GNG4: variants seen among roughly 807,000 people sequenced by gnomAD.
The protein encoded by GNG4 is G protein subunit gamma 4, also known as guanine nucleotide-binding protein G(I)/G(S)/G(O) subunit gamma-4.
In GNG4, 4 loss-of-function variants were observed where a neutral mutation model predicts 5.8. The ratio of observed to expected loss-of-function variants is 0.69; its 90% CI spans 0.34 to 1.57. The LOEUF (loss-of-function observed/expected upper bound fraction) is 1.57. Ranked by LOEUF, GNG4 falls within the 40% of genes most tolerant of loss-of-function variation. GNG4 has a pLI of 0.06. For missense variants in GNG4, 96 were observed against 95.1 expected, an observed-to-expected ratio of 1.01 and a Z score of -0.04; for synonymous variants, 29 against 32.9, an observed-to-expected ratio of 0.88 and a Z score of 0.41.
At chr1:235,647,145 G>A (rs1571932155) in intron 1 of GNG4, among the ~76,000 whole-genome samples, 1 of 152,074 alleles carries the variant, frequency 6.6e-6, no homozygotes, top group Non-Finnish European at 1.5e-5. Flanking sequence ...TCTATTAAAG[G>A]AGTTAAATTT....
At chr1:235,606,615 A>G (rs1688366269) in intron 1 of GNG4, among the ~76,000 whole-genome samples, 1 of 152,152 alleles carries the variant, frequency 6.6e-6, no homozygotes, top group African/African-American at 2.4e-5. Flanking sequence ...TGGGGTGCAG[A>G]GTTCACATAG....
At chr1:235,634,117 A>G (rs1047684242) in intron 1 of GNG4, among the ~76,000 whole-genome samples, 3 of 152,126 alleles carry the variant, frequency 2.0e-5, no homozygotes, top group African/African-American at 7.2e-5. Flanking sequence ...AGGGTGAGGG[A>G]TCAGCTAGTC....
intron 2 of GNG4, chr1:235,588,850 CA>C (rs2102949116): frequency 6.5e-6 from 1 of 152,904 alleles, no homozygotes; most frequent in South Asian, 2.1e-4. Flanking sequence ...CTCCACTCCA[CA>C]CCCACATCCA....
intron 1 of GNG4, among the ~76,000 whole-genome samples, chr1:235,598,695 G>C (rs1484796314): frequency 6.6e-6 from 1 of 151,348 alleles, no homozygotes; most frequent in Admixed American, 6.6e-5. Context: ...TCTGGGGGAG[G>C]ACTGAGGCAT....
intron 3 of GNG4, among the ~76,000 whole-genome samples, chr1:235,562,473 C>T (rs545292009): frequency 2.6e-4 from 39 of 151,520 alleles, no homozygotes; most frequent in African/African-American, 9.2e-4. Context: ...ATGGCGAAAC[C>T]CCATCTCTAC....
intron 1 of GNG4, among the ~76,000 whole-genome samples, chr1:235,636,597 C>T (rs998066814): frequency 1.3e-5 from 2 of 152,188 alleles, no homozygotes; most frequent in Admixed American, 1.3e-4. Flanking sequence ...CTCCATGGGT[C>T]CTCCAGCAGG....
chr1:235,638,477 C>T (rs575569359), intron 1 of GNG4, among the ~76,000 whole-genome samples: 2 of 99,412 alleles, frequency 2.0e-5, no homozygotes, highest in African/African-American at 8.4e-5. Context: ...TGTGGCTCCT[C>T]CTGCATTTTT....
At chr1:235,624,063 C>G (rs1342360438) in intron 1 of GNG4, among the ~76,000 whole-genome samples, 1 of 151,932 alleles carries the variant, frequency 6.6e-6, no homozygotes, top group Non-Finnish European at 1.5e-5. Context: ...CTAGCAGTCC[C>G]TTCAAAGATC....
At chr1:235,561,685 G>A (rs143346087) in intron 3 of GNG4, among the ~76,000 whole-genome samples, 1,830 of 152,316 alleles carry the variant, frequency 0.012, 41 homozygotes, top group African/African-American at 0.042. Flanking sequence ...GAGAGCCACC[G>A]CACTTGGCCC....
chr1:235,594,620 T>C (rs1206346282), intron 2 of GNG4, among the ~76,000 whole-genome samples: 1 of 152,204 alleles, frequency 6.6e-6, no homozygotes. Context: ...GCACAGCAGC[T>C]GCTGGCCCAG....
At chr1:235,637,737 T>C (rs954815523) in intron 1 of GNG4, among the ~76,000 whole-genome samples, 2 of 151,992 alleles carry the variant, frequency 1.3e-5, no homozygotes, top group African/African-American at 2.4e-5. Flanking sequence ...GAATTTTCGA[T>C]GCATAAGGAT....
At chr1:235,640,568 C>A (rs902392829) in intron 1 of GNG4, among the ~76,000 whole-genome samples, 1 of 152,248 alleles carries the variant, frequency 6.6e-6, no homozygotes, top group Admixed American at 6.5e-5. Context: ...CATCATTCAA[C>A]AGACTACAGT....
chr1:235,586,181 C>A (rs567505162), intron 2 of GNG4, among the ~76,000 whole-genome samples: 1 of 152,328 alleles, frequency 6.6e-6, no homozygotes, highest in South Asian at 2.1e-4. Flanking sequence ...TAGTTTGGAA[C>A]TTTAACTCAA....
chr1:235,591,424 A>G (rs1002123258), intron 2 of GNG4, among the ~76,000 whole-genome samples: 6 of 152,224 alleles, frequency 3.9e-5, no homozygotes, highest in African/African-American at 1.4e-4. Flanking sequence ...GCTTTTGCCA[A>G]TGGTGCTGAA....
At chr1:235,611,932 C>T (rs938460420) in intron 1 of GNG4, among the ~76,000 whole-genome samples, 4 of 151,842 alleles carry the variant, frequency 2.6e-5, no homozygotes, top group Admixed American at 6.6e-5. Flanking sequence ...GGTATGGTGG[C>T]ACATGCTTGT....
intron 2 of GNG4, among the ~76,000 whole-genome samples, chr1:235,586,409 C>A (rs1361910734): frequency 1.3e-5 from 2 of 152,216 alleles, no homozygotes; most frequent in African/African-American, 4.8e-5. Flanking sequence ...TGTGTGTCTG[C>A]GTTGCTGTGT....
At chr1:235,607,562 A>G (rs2102966477) in intron 1 of GNG4, among the ~76,000 whole-genome samples, 1 of 152,394 alleles carries the variant, frequency 6.6e-6, no homozygotes, top group East Asian at 1.9e-4. Context: ...AATGCATTGT[A>G]CTTCACAGAC....
chr1:235,564,798 G>A (rs1687152756), intron 3 of GNG4, among the ~76,000 whole-genome samples: 1 of 152,118 alleles, frequency 6.6e-6, no homozygotes, highest in Non-Finnish European at 1.5e-5. Flanking sequence ...CGATTCTTCT[G>A]CCTCAGCCCC....
chr1:235,642,017 T>C lies in GNG4; in HGVS notation c.-123+7645A>G, dbSNP rs976494298. On this transcript the variant is annotated intron_variant, in intron 1 of 3. Transcript: ENST00000391854. This position sits in a 1 kb window ranked among gnomAD's most constrained non-coding sequence, Gnocchi z 4.3. ...AGAACTTCCATGAGGGCGGGGATTT[T>C]TCGCTTCCCCCGCAACTGCCTGCGT... Among the ~76,000 whole-genome samples the C allele has an allele frequency of 2.0e-5, 3 of 152,252 alleles. No individual in the cohort carries two copies. Among genetic ancestry groups the C allele is most frequent in the Non-Finnish European group, 4.4e-5 (3 of 68,036 alleles).
Sources: allele counts gnomAD v4.1 joint callset (sites outside exome capture counted in the v4.1 genomes callset), GRCh38; gene constraint gnomAD v4.1.1; non-coding constraint Gnocchi (gnomAD v3.1); transcripts MANE v1.5; gene names NCBI Gene and HGNC (gene_info 2026-07-23, HGNC 2026-07-21).